Variants in CASK observed in about 807,000 individuals in gnomAD.
CASK encodes calcium/calmodulin dependent serine protein kinase.
CASK carries 4 observed loss-of-function variants against 82.9 expected under a neutral mutation model. That is an observed-to-expected ratio of 0.05 (90% CI 0.02 to 0.11). The LOEUF is 0.11. Ranked by LOEUF, CASK falls within the 10% of genes least tolerant of loss-of-function variation. CASK has a pLI of 1.00. For missense variants in CASK, 358 were observed against 720.9 expected, an observed-to-expected ratio of 0.50 and a Z score of 5.76; for synonymous variants, 259 against 253.5, an observed-to-expected ratio of 1.02 and a Z score of -0.20.
intron 12 of CASK, 101 bp downstream of exon 12, chrX:41,609,803 C>T (rs896103356): frequency 6.7e-6 from 6 of 889,327 alleles, no homozygotes; most frequent in Middle Eastern, 3.3e-4. Flanking sequence ...CTGATACGCC[C>T]GCCTCTGCCT....
chrX:41,807,465 A>G (rs2070146236), intron 2 of CASK, among the ~76,000 whole-genome samples: 1 of 111,774 alleles, frequency 8.9e-6, no homozygotes, highest in Non-Finnish European at 1.9e-5. Flanking sequence ...AATGGCCCCC[A>G]AAGCATTGCA....
chrX:41,599,643 G>C (rs1268733977), intron 12 of CASK, among the ~76,000 whole-genome samples: 1 of 112,172 alleles, frequency 8.9e-6, no homozygotes, highest in Non-Finnish European at 1.9e-5. Flanking sequence ...TTCAATCCAA[G>C]AAGACTGTGC....
chrX:41,813,428 A>C (rs1279664443), intron 2 of CASK, among the ~76,000 whole-genome samples: 1 of 111,087 alleles, frequency 9.0e-6, no homozygotes, highest in Non-Finnish European at 1.9e-5. Context: ...AGCCCTCAGA[A>C]ATAATACCAC....
At chrX:41,904,622 T>G (rs769037020) in intron 1 of CASK, among the ~76,000 whole-genome samples, 100 of 111,675 alleles carry the variant, frequency 9.0e-4, no homozygotes, top group African/African-American at 3.2e-3. Context: ...TCTTTCCAAC[T>G]TTTATTTTAG....
intron 1 of CASK, among the ~76,000 whole-genome samples, chrX:41,890,328 C>G (rs2072142371): frequency 1.8e-5 from 2 of 109,841 alleles, no homozygotes; most frequent in Non-Finnish European, 3.8e-5. Flanking sequence ...TCCCAAGACC[C>G]AGACCCATTC....
chrX:41,700,577 G>A (rs1246237796), intron 5 of CASK, among the ~76,000 whole-genome samples: 1 of 67,897 alleles, frequency 1.5e-5, no homozygotes, highest in Admixed American at 2.0e-4. Context: ...ATACGTATAT[G>A]ACTTTTTTTT....
At chrX:41,710,964 C>G (rs1177731227) in intron 5 of CASK, among the ~76,000 whole-genome samples, 1 of 111,859 alleles carries the variant, frequency 8.9e-6, no homozygotes, top group Non-Finnish European at 1.9e-5. Context: ...GCTCCGTGCC[C>G]CAGGATTATG....
At chrX:41,610,934 A>G (rs1186449458) in intron 11 of CASK, among the ~76,000 whole-genome samples, 1 of 112,530 alleles carries the variant, frequency 8.9e-6, no homozygotes, top group Non-Finnish European at 1.9e-5. Flanking sequence ...ACATTAGTAC[A>G]CAGTAGAGAA....
intron 1 of CASK, among the ~76,000 whole-genome samples, chrX:41,853,868 A>G (rs947581410): frequency 6.3e-5 from 7 of 111,938 alleles, no homozygotes; most frequent in Non-Finnish European, 1.3e-4. Flanking sequence ...TTTGCAATAT[A>G]CAGTCCAAGT....
chrX:41,817,526 A>C (rs987998144), intron 2 of CASK, among the ~76,000 whole-genome samples: 18 of 111,918 alleles, frequency 1.6e-4, no homozygotes, highest in Admixed American at 1.0e-3. Flanking sequence ...TACAGGTTGA[A>C]TATCTCTTAT....
chrX:41,630,194 A>G (rs1029841514), intron 9 of CASK, among the ~76,000 whole-genome samples: 4 of 112,177 alleles, frequency 3.6e-5, no homozygotes, highest in Non-Finnish European at 7.5e-5. Context: ...TGAAATGTCA[A>G]TATGTCAAAC....
chrX:41,915,155 C>T (rs937172527), intron 1 of CASK, among the ~76,000 whole-genome samples: 2 of 111,144 alleles, frequency 1.8e-5, no homozygotes, highest in Admixed American at 1.9e-4. Flanking sequence ...AGCAGTCAAC[C>T]CCCAAGAACT....
At position 41,521,777 on chromosome X, in the gene CASK, C is replaced by T. The variant is rs141651454; in HGVS notation, c.2605-1181G>A. Reference sequence around the variant, plus strand: ...GAGTCTTAAATATACATAGAGATAACGAAATACCTCTTTATTTGATTAGTG... The same window carrying T: ...GAGTCTTAAATATACATAGAGATAATGAAATACCTCTTTATTTGATTAGTG... On this transcript the variant is annotated intron_variant, in intron 26 of 26. Coordinates refer to ENST00000378163, the MANE Select transcript of CASK (RefSeq NM_001367721.1). Among the ~76,000 whole-genome samples the T allele has an allele frequency of 5.2e-3, 582 of 111,848 alleles. 4 individuals are homozygous for T. Among genetic ancestry groups the T allele is most frequent in the African/African-American group, 0.018 (556 of 30,815 alleles).
At chrX:41,639,511 T>A (rs1223061488) in intron 8 of CASK, among the ~76,000 whole-genome samples, 2 of 109,183 alleles carry the variant, frequency 1.8e-5, no homozygotes, top group Non-Finnish European at 3.8e-5. Context: ...TGATGGTGGA[T>A]GAAACCAGCT....
At chrX:41,735,646 TCTC>T (rs2068481996) in intron 5 of CASK, among the ~76,000 whole-genome samples, 1 of 109,493 alleles carries the variant, frequency 9.1e-6, no homozygotes, top group South Asian at 4.0e-4. Flanking sequence ...TCCTTTTTAC[TCTC>T]CTCTTTGCAC....
chrX:41,844,860 C>A (rs1373345370), intron 2 of CASK, among the ~76,000 whole-genome samples: 1 of 111,745 alleles, frequency 8.9e-6, no homozygotes, highest in Non-Finnish European at 1.9e-5. Flanking sequence ...GCTTTTGCTG[C>A]ATCTCATAAA....
At chrX:41,639,459 G>T (rs1216371123) in intron 8 of CASK, among the ~76,000 whole-genome samples, 3 of 108,846 alleles carry the variant, frequency 2.8e-5, no homozygotes, top group African/African-American at 1.0e-4. Context: ...AAAAAAGCGG[G>T]AAGACTAGTT....
At chrX:41,852,255 T>G (rs1053369653) in intron 2 of CASK, among the ~76,000 whole-genome samples, 2 of 111,287 alleles carry the variant, frequency 1.8e-5, no homozygotes, top group African/African-American at 6.5e-5. Context: ...GGCTTCTACT[T>G]CCCAAAGTAA....
intron 2 of CASK, among the ~76,000 whole-genome samples, chrX:41,842,664 C>T (rs748392315): frequency 1.8e-5 from 2 of 110,829 alleles, no homozygotes; most frequent in South Asian, 7.6e-4. Flanking sequence ...GGGTACCTTG[C>T]TTTTCCATGT....
Sources: allele counts gnomAD v4.1 joint callset (sites outside exome capture counted in the v4.1 genomes callset), GRCh38; gene constraint gnomAD v4.1.1; transcripts MANE v1.5; gene names NCBI Gene and HGNC (gene_info 2026-07-23, HGNC 2026-07-21).